Variants in MAST4 observed in about 807,000 individuals in gnomAD.
The protein encoded by MAST4 is microtubule associated serine/threonine kinase family member 4.
In MAST4, 89 loss-of-function variants were observed where a neutral mutation model predicts 162.7. The observed-to-expected ratio is 0.55, with a 90% confidence interval of 0.46 to 0.65. The LOEUF is 0.65. MAST4 is among the 30% of genes least tolerant of loss of function. The pLI is 0.00. For synonymous variants in MAST4, 1,479 were observed against 1,361.1 expected, an observed-to-expected ratio of 1.09 and a Z score of -1.91; for missense variants, 3,153 against 3,374.0, an observed-to-expected ratio of 0.93 and a Z score of 1.62.
At chr5:66,894,696 G>A (rs1387819772) in intron 3 of MAST4, among the ~76,000 whole-genome samples, 1 of 152,180 alleles carries the variant, frequency 6.6e-6, no homozygotes, top group African/African-American at 2.4e-5. Flanking sequence ...TCAGGAAAAT[G>A]GTGAGGGAAT....
rs1745172131 is a variant in MAST4, at chr5:66,955,270, A to G, written c.674+55288A>G. On this transcript the variant is annotated intron_variant, in intron 4 of 28. Transcript: ENST00000403625. Reference sequence around the variant, plus strand: ...GAGCCTTGTGTTTTCAAATAGGGTCAAGCAAGATGTAAAGGAAGTTCAGGA... The same window carrying G: ...GAGCCTTGTGTTTTCAAATAGGGTCGAGCAAGATGTAAAGGAAGTTCAGGA... Among the ~76,000 whole-genome samples, 3 of 151,674 alleles carry G rather than the reference A, an allele frequency of 2.0e-5. No homozygotes were observed. In the South Asian group the frequency reaches 6.2e-4, roughly 32 times the overall value.
At chr5:66,948,915 C>T (rs918489448) in intron 4 of MAST4, among the ~76,000 whole-genome samples, 3 of 152,050 alleles carry the variant, frequency 2.0e-5, no homozygotes, top group Non-Finnish European at 2.9e-5. Flanking sequence ...TGACTCCTGC[C>T]TTCATGGGGC....
chr5:66,876,603 T>C (rs1163994162), intron 3 of MAST4, among the ~76,000 whole-genome samples: 1 of 152,180 alleles, frequency 6.6e-6, no homozygotes, highest in Non-Finnish European at 1.5e-5. Flanking sequence ...AGGAATGTTA[T>C]AATTAGACGA....
chr5:67,127,753 A>T (rs1274933893), intron 14 of MAST4, among the ~76,000 whole-genome samples: 2 of 152,212 alleles, frequency 1.3e-5, no homozygotes, highest in Admixed American at 6.5e-5. Context: ...TCTCATCAGT[A>T]GCTGAAAAAA....
chr5:66,995,542 A>G (rs4286632), intron 4 of MAST4, among the ~76,000 whole-genome samples: 35,790 of 151,960 alleles, frequency 0.24, 4,421 homozygotes, highest in Non-Finnish European at 0.27. Context: ...AGCTGGGACT[A>G]TCGGCACCCG....
rs1452586812 is a variant in MAST4 at position 67,166,575 on chromosome 5, C to T, written c.7396C>T (p.Pro2466Ser). 5.6e-6 allele frequency: 9 copies of T among 1,605,114 alleles called. No homozygotes were observed. Among genetic ancestry groups the T allele is most frequent in the Non-Finnish European group, 7.7e-6 (9 of 1,176,058 alleles). Residue 2466 changes from proline (P) to serine (S), a missense_variant, in exon 29 of 29, where the codon CCT becomes TCT. Around this residue, in one of 7 missense-constraint regions of MAST4, gnomAD observed 1,644 missense variants for 1,495.0 expected, o/e 1.10. Coordinates refer to ENST00000403625, the MANE Select transcript of MAST4 (RefSeq NM_001164664.2). The stretch of plus-strand genomic sequence containing the variant: ...GTCTCTGAGCTGCTCCTCCAGCTTC[C>T]CTGAAACCAGGGCCGGAGTTAGAGA... ...EKSLSCSSSF[P>S]ETRAGVREAS...
chr5:66,956,066 TC>T lies in MAST4; in HGVS notation c.674+56087del, dbSNP rs548113082. Among the ~76,000 whole-genome samples the T allele has an allele frequency of 2.4e-3, 369 of 152,088 alleles. 2 individuals carry two copies. Among genetic ancestry groups the T allele is most frequent in the Admixed American group, 4.3e-3 (66 of 15,260 alleles). ...TCGAGCTCCTGGCCTTAAGTAATCCTCCCACCTCAGCCTCCCAACATGCTGG... is the reference window on the plus strand; with the variant it reads ...TCGAGCTCCTGGCCTTAAGTAATCCTCCACCTCAGCCTCCCAACATGCTGG... On this transcript the variant is annotated intron_variant, in intron 4 of 28. Coordinates refer to ENST00000403625, the MANE Select transcript of MAST4 (RefSeq NM_001164664.2).
intron 5 of MAST4, among the ~76,000 whole-genome samples, chr5:67,078,798 A>ATATATTTATTTATATTTATCTAAATATG (rs1762049388): frequency 7.8e-6 from 1 of 128,514 alleles, no homozygotes; most frequent in African/African-American, 2.9e-5. Flanking sequence ...ATCTAAATAT[A>ATATATTTATTTATATTTATCTAAATATG]TTTATTTATA....
chr5:66,671,063 T>C (rs1325891173), intron 1 of MAST4, among the ~76,000 whole-genome samples: 2 of 152,330 alleles, frequency 1.3e-5, no homozygotes, highest in African/African-American at 4.8e-5. Flanking sequence ...ATTGTGTGTG[T>C]GTGCCATTTC....
At chr5:66,705,305 AATG>A (rs1750060676) in intron 1 of MAST4, among the ~76,000 whole-genome samples, 1 of 152,350 alleles carries the variant, frequency 6.6e-6, no homozygotes, top group East Asian at 1.9e-4. Context: ...GCATGTTTAG[AATG>A]ATAACACCAG....
chr5:67,078,911 A>AATAAATATATATATATAATATATAT (rs1227485756), intron 5 of MAST4, among the ~76,000 whole-genome samples: 1 of 38,110 alleles, frequency 2.6e-5, no homozygotes, highest in Non-Finnish European at 4.4e-5. Context: ...TTTTTATATA[A>AATAAATATATATATATAATATATAT]ATATATATAT....
intron 1 of MAST4, among the ~76,000 whole-genome samples, chr5:66,654,132 G>A (rs1746398788): frequency 6.6e-6 from 1 of 152,198 alleles, no homozygotes; most frequent in Non-Finnish European, 1.5e-5. Context: ...TGCTGTCAAG[G>A]AATTGGTGTG....
At chr5:66,963,554 T>C (rs1746282339) in intron 4 of MAST4, among the ~76,000 whole-genome samples, 1 of 152,228 alleles carries the variant, frequency 6.6e-6, no homozygotes, top group Admixed American at 6.5e-5. Context: ...ATTTTAGAGC[T>C]GAAAAGGGCA....
intron 10 of MAST4, among the ~76,000 whole-genome samples, chr5:67,108,480 G>T (rs1765841888): frequency 6.6e-6 from 1 of 152,098 alleles, no homozygotes; most frequent in Non-Finnish European, 1.5e-5. Flanking sequence ...CAAAAATTGG[G>T]AAGAAAATTT....
chr5:66,789,885 T>G, intron 3 of MAST4: 2 of 431,692 alleles, frequency 4.6e-6, no homozygotes, highest in Non-Finnish European at 9.3e-6. Context: ...TTTTTCCAAC[T>G]TCAGCACTCT....
In MAST4 at chr5:67,025,654, A is replaced by G. The variant is rs566611980; in HGVS notation, c.675-28750A>G. ...TGGCATAATTGAGGGGATGTTATACAAAAAAAGTAACCTTTGATTTACCTG... is the reference window on the plus strand; with the variant it reads ...TGGCATAATTGAGGGGATGTTATACGAAAAAAGTAACCTTTGATTTACCTG... On this transcript the variant is annotated intron_variant, in intron 4 of 28. Coordinates refer to ENST00000403625, the MANE Select transcript of MAST4 (RefSeq NM_001164664.2). Among the ~76,000 whole-genome samples, 45 of 152,294 alleles carry G rather than the reference A, an allele frequency of 3.0e-4. No homozygotes were observed. The South Asian group carries it at 9.3e-3, about 32-fold the overall frequency.
intron 4 of MAST4, among the ~76,000 whole-genome samples, chr5:66,904,991 A>G (rs1042222421): frequency 1.3e-5 from 2 of 152,014 alleles, no homozygotes; most frequent in Non-Finnish European, 2.9e-5. Context: ...GTCCACACAC[A>G]TGCTTTAAGG....
chr5:66,762,441 A>G (rs1372215918), intron 2 of MAST4, among the ~76,000 whole-genome samples: 1 of 152,176 alleles, frequency 6.6e-6, no homozygotes, highest in Non-Finnish European at 1.5e-5. Context: ...AACTAATTGA[A>G]TTTGGGGGGA....
intron 3 of MAST4, among the ~76,000 whole-genome samples, chr5:66,850,483 T>C (rs1759225553): frequency 6.6e-6 from 1 of 152,188 alleles, no homozygotes; most frequent in South Asian, 2.1e-4. Context: ...ATCTGAAATT[T>C]GAAATGCTGT....
Sources: allele counts gnomAD v4.1 joint callset (sites outside exome capture counted in the v4.1 genomes callset), GRCh38; gene constraint gnomAD v4.1.1; regional missense constraint gnomAD v4.1.1; transcripts MANE v1.5; gene names NCBI Gene and HGNC (gene_info 2026-07-23, HGNC 2026-07-21).